The following SLC41A2 variants were observed in gnomAD, a reference collection of about 807,000 sequenced individuals.
The protein encoded by SLC41A2 is SLC41A1-like 1.
A neutral mutation model predicts 58.3 loss-of-function variants in SLC41A2; 32 were observed. That is an observed-to-expected ratio of 0.55 (90% confidence interval 0.41 to 0.74). The LOEUF (loss-of-function observed/expected upper bound fraction) is 0.74. Ranked by LOEUF, SLC41A2 falls within the 30% of genes least tolerant of loss-of-function variation. The probability of loss-of-function intolerance (pLI) is 0.00; values close to 1 mark genes in which losing one functional copy is unlikely to be tolerated. For missense variants in SLC41A2, 514 were observed against 680.6 expected, an observed-to-expected ratio of 0.76 and a Z score of 2.72; for synonymous variants, 190 against 235.0, an observed-to-expected ratio of 0.81 and a Z score of 1.75.
chr12:104,857,084 A>G (rs1282157572), intron 8 of SLC41A2, among the ~76,000 whole-genome samples: 1 of 152,224 alleles, frequency 6.6e-6, no homozygotes, highest in Admixed American at 6.6e-5. Context: ...AAAAGAGTAC[A>G]TAAGTAAAAC....
chr12:104,906,837 T>A (rs1409932715), intron 3 of SLC41A2, among the ~76,000 whole-genome samples: 1 of 152,176 alleles, frequency 6.6e-6, no homozygotes, highest in Non-Finnish European at 1.5e-5. Context: ...TTAAATACAA[T>A]AGTAACCTGG....
chr12:104,824,317 C>T (rs1308043235), intron 10 of SLC41A2, among the ~76,000 whole-genome samples: 9 of 151,738 alleles, frequency 5.9e-5, no homozygotes, highest in Admixed American at 6.6e-5. Flanking sequence ...AGTGGAGGAA[C>T]ATATGGGCGG....
intron 6 of SLC41A2, among the ~76,000 whole-genome samples, chr12:104,885,562 G>C (rs1478865282): frequency 2.0e-5 from 3 of 152,016 alleles, no homozygotes; most frequent in Non-Finnish European, 4.4e-5. Flanking sequence ...TTGTATTACT[G>C]TAAGTTTCTG....
chr12:104,826,140 TC>T (rs1372425520), intron 10 of SLC41A2, among the ~76,000 whole-genome samples: 1 of 152,120 alleles, frequency 6.6e-6, no homozygotes, highest in Non-Finnish European at 1.5e-5. Flanking sequence ...ACAGTTCTCT[TC>T]ACCACCGCCA....
At chr12:104,819,273 C>T (rs1208749224) in intron 10 of SLC41A2, among the ~76,000 whole-genome samples, 2 of 152,094 alleles carry the variant, frequency 1.3e-5, no homozygotes, top group Non-Finnish European at 2.9e-5. Flanking sequence ...CAAATTAAAT[C>T]ATGTGTCAAA....
chr12:104,905,866 C>T (rs1220865029), intron 3 of SLC41A2, among the ~76,000 whole-genome samples: 4 of 152,250 alleles, frequency 2.6e-5, no homozygotes, highest in African/African-American at 9.6e-5. Flanking sequence ...AAGCGCCGCA[C>T]ACAGCCCCGG....
intron 5 of SLC41A2, among the ~76,000 whole-genome samples, chr12:104,888,087 G>A (rs187226914): frequency 6.6e-6 from 1 of 152,068 alleles, no homozygotes; most frequent in Admixed American, 6.5e-5. Context: ...CATGCTGATG[G>A]CATAATTATT....
At chr12:104,838,240 T>A (rs2042279338) in intron 10 of SLC41A2, among the ~76,000 whole-genome samples, 1 of 152,218 alleles carries the variant, frequency 6.6e-6, no homozygotes, top group Non-Finnish European at 1.5e-5. Flanking sequence ...TTGCTCTTAG[T>A]CTGCACTGTT....
At chr12:104,899,770 C>A (rs911920001) in intron 3 of SLC41A2, among the ~76,000 whole-genome samples, 3 of 152,172 alleles carry the variant, frequency 2.0e-5, no homozygotes, top group Admixed American at 2.0e-4. Flanking sequence ...AACTTTCTGC[C>A]ACTATAGCTA....
chr12:104,809,850 AAG>A (rs1028821502), intron 10 of SLC41A2, among the ~76,000 whole-genome samples: 5 of 146,662 alleles, frequency 3.4e-5, no homozygotes, highest in African/African-American at 1.3e-4. Context: ...GACTGAGAGA[AAG>A]AGAGTCATCC....
chr12:104,878,499 T>A (rs2044179089), intron 6 of SLC41A2, among the ~76,000 whole-genome samples: 1 of 151,494 alleles, frequency 6.6e-6, no homozygotes, highest in African/African-American at 2.4e-5. Flanking sequence ...TGTGTGATGT[T>A]CTCCACCCTG....
At chr12:104,875,112 G>A (rs1290895847) in intron 6 of SLC41A2, among the ~76,000 whole-genome samples, 1 of 152,080 alleles carries the variant, frequency 6.6e-6, no homozygotes, top group Admixed American at 6.5e-5. Flanking sequence ...TACACTGATT[G>A]ATCTGTGTAT....
At chr12:104,906,065 G>T (rs530023419) in intron 3 of SLC41A2, among the ~76,000 whole-genome samples, 50 of 152,360 alleles carry the variant, frequency 3.3e-4, no homozygotes, top group African/African-American at 1.2e-3. Context: ...CTGCCAGCAC[G>T]CTGTCACCTC....
intron 6 of SLC41A2, among the ~76,000 whole-genome samples, chr12:104,869,578 T>TA (rs1262855806): frequency 1.3e-5 from 2 of 152,184 alleles, no homozygotes; most frequent in Non-Finnish European, 2.9e-5. Context: ...AAAACCATGA[T>TA]AAAACCCAAA....
chr12:104,946,274 T>G (rs141165843), intron 1 of SLC41A2, among the ~76,000 whole-genome samples: 5 of 152,286 alleles, frequency 3.3e-5, no homozygotes, highest in Non-Finnish European at 7.4e-5. Flanking sequence ...TTTTCTTTCT[T>G]TTTTTGTAGA....
chr12:104,948,844 G>A (rs1464440485), intron 1 of SLC41A2, among the ~76,000 whole-genome samples: 2 of 152,184 alleles, frequency 1.3e-5, no homozygotes, highest in Admixed American at 6.5e-5. Flanking sequence ...GCTCAAGAAT[G>A]GAAACAGCTC....
At chr12:104,954,853 G>A (rs4357778) in intron 1 of SLC41A2, among the ~76,000 whole-genome samples, 6,234 of 152,004 alleles carry the variant, frequency 0.041, 178 homozygotes, top group East Asian at 0.11. Context: ...TTTGGAAATT[G>A]GGAAGTGTAC....
chr12:104,891,991 GATCTCT>G (rs1434114166), intron 4 of SLC41A2, among the ~76,000 whole-genome samples: 3 of 151,988 alleles, frequency 2.0e-5, no homozygotes, highest in Non-Finnish European at 4.4e-5. Context: ...AGACATGAAA[GATCTCT>G]ATAATAAAAA....
intron 1 of SLC41A2, among the ~76,000 whole-genome samples, chr12:104,956,620 A>C (rs1475737508): frequency 6.6e-6 from 1 of 152,182 alleles, no homozygotes; most frequent in Non-Finnish European, 1.5e-5. Flanking sequence ...TGGAGGTTGC[A>C]GTGAGCCAAG....
Sources: allele counts gnomAD v4.1 joint callset (sites outside exome capture counted in the v4.1 genomes callset), GRCh38; gene constraint gnomAD v4.1.1; transcripts MANE v1.5; gene names NCBI Gene and HGNC (gene_info 2026-07-23, HGNC 2026-07-21).